TTLL5: variants seen among roughly 807,000 people sequenced by gnomAD.
TTLL5 encodes the protein tubulin polyglutamylase TTLL5.
A neutral mutation model predicts 168.4 loss-of-function variants in TTLL5; 132 were observed. The observed-to-expected ratio is 0.78, with a 90% confidence interval of 0.68 to 0.91. TTLL5 has a LOEUF of 0.91. Ranked by LOEUF, TTLL5 falls within the 40% of genes least tolerant of loss-of-function variation. The pLI, the probability that TTLL5 is intolerant of heterozygous loss-of-function variation, is 0.00. For synonymous variants in TTLL5, 546 were observed against 558.6 expected (o/e 0.98, Z 0.32); for missense variants, 1,545 against 1,581.5 (o/e 0.98, Z 0.39).
chr14:75,732,524 C>A, intron 13 of TTLL5, 105 bp downstream of exon 13: 1 of 969,270 alleles, frequency 1.0e-6, no homozygotes, highest in Non-Finnish European at 1.6e-6. Flanking sequence ...TGTTTTTTTC[C>A]TAGTTATTAG....
intron 31 of TTLL5, among the ~76,000 whole-genome samples, chr14:75,921,471 T>G (rs879785590): frequency 4.6e-5 from 7 of 152,264 alleles, no homozygotes; most frequent in Non-Finnish European, 8.8e-5. Context: ...GCACCATTTA[T>G]TAAAAAGGGA....
intron 28 of TTLL5, among the ~76,000 whole-genome samples, chr14:75,848,564 G>T (rs1379617538): frequency 6.6e-6 from 1 of 150,504 alleles, no homozygotes; most frequent in African/African-American, 2.5e-5. Context: ...GTGTCAGGGA[G>T]TTCTCCTTTG....
At chr14:75,784,259 A>G (rs1892239563) in intron 26 of TTLL5, among the ~76,000 whole-genome samples, 1 of 152,170 alleles carries the variant, frequency 6.6e-6, no homozygotes, top group Admixed American at 6.5e-5. Context: ...TCTATTCTGG[A>G]CATTTTTATA....
Position 75,766,301 on chromosome 14 carries a change from C to T in TTLL5, c.1948C>T (p.Leu650Phe), listed in dbSNP as rs761761380. ...TAATAAAGGTGGACACTGCTGCAAA[C>T]TTGAGACTCAGGAGCTAGAGCCTAA... ...WNNKGGHCCK[L>F]ETQELEPKFN... The change falls in exon 20 of 32, where the codon CTT becomes TTT. Residue 650 changes from leucine (L) to phenylalanine (F), a missense_variant. Coordinates refer to ENST00000298832, the MANE Select transcript of TTLL5 (RefSeq NM_015072.5). 6.2e-7 allele frequency: 1 copy of T among 1,614,042 alleles called. No individual in the cohort carries two copies. The highest frequency in any genetic ancestry group is 2.2e-5 in the East Asian group (1 of 44,868).
chr14:75,856,408 G>A (rs970628958), intron 28 of TTLL5, among the ~76,000 whole-genome samples: 3 of 152,090 alleles, frequency 2.0e-5, no homozygotes, highest in African/African-American at 7.2e-5. Flanking sequence ...AATGGAAATT[G>A]TGAAACTGAG....
At chr14:75,721,632 C>G (rs1261447310) in intron 12 of TTLL5, among the ~76,000 whole-genome samples, 1 of 152,174 alleles carries the variant, frequency 6.6e-6, no homozygotes, top group Admixed American at 6.5e-5. Flanking sequence ...GCAAGTTACT[C>G]TAATCCTGTT....
chr14:75,748,548 C>A (rs756702024), intron 17 of TTLL5, among the ~76,000 whole-genome samples: 1 of 152,024 alleles, frequency 6.6e-6, no homozygotes, highest in Non-Finnish European at 1.5e-5. Flanking sequence ...AATTACTGGG[C>A]CTTAAAATAT....
chr14:75,894,318 A>G (rs1392659294), intron 30 of TTLL5, among the ~76,000 whole-genome samples: 1 of 152,180 alleles, frequency 6.6e-6, no homozygotes, highest in Non-Finnish European at 1.5e-5. Flanking sequence ...TTGGGAGGCC[A>G]AGACAGGTGG....
chr14:75,771,912 T>C (rs1051421176), intron 21 of TTLL5, 58 bp downstream of exon 21: 29 of 21,056 alleles, frequency 1.4e-3, no homozygotes, highest in Admixed American at 0.01. Context: ...TCTTTCTGTA[T>C]TTTTTTTTTT....
chr14:75,877,378 G>A (rs2031551437), intron 29 of TTLL5, among the ~76,000 whole-genome samples: 1 of 152,196 alleles, frequency 6.6e-6, no homozygotes, highest in Admixed American at 6.5e-5. Context: ...CCAAGTTGCA[G>A]TCTGTGTTCT....
At chr14:75,681,053 T>TA (rs1315816028) in intron 3 of TTLL5, among the ~76,000 whole-genome samples, 1 of 152,172 alleles carries the variant, frequency 6.6e-6, no homozygotes, top group Non-Finnish European at 1.5e-5. Context: ...ACAAAGGAAA[T>TA]ACATTGTATT....
At chr14:75,746,181 A>G (rs1409529771) in intron 17 of TTLL5, among the ~76,000 whole-genome samples, 1 of 152,136 alleles carries the variant, frequency 6.6e-6, no homozygotes, top group Admixed American at 6.5e-5. Flanking sequence ...ACTCTTTTGT[A>G]TCTGGACTCT....
chr14:75,842,982 G>A (rs1288329648), intron 28 of TTLL5, among the ~76,000 whole-genome samples: 3 of 152,154 alleles, frequency 2.0e-5, no homozygotes, highest in Non-Finnish European at 4.4e-5. Context: ...AAGAAAGGTG[G>A]AGGCAAGTTT....
chr14:75,709,314 T>G, intron 9 of TTLL5: 1 of 688,344 alleles, frequency 1.5e-6, no homozygotes, highest in South Asian at 1.5e-5. Context: ...AGAGACTTAG[T>G]TTTTTTCACA....
At chr14:75,827,100 A>G (rs960866228) in intron 28 of TTLL5, among the ~76,000 whole-genome samples, 8 of 152,244 alleles carry the variant, frequency 5.3e-5, no homozygotes, top group African/African-American at 1.2e-4. Flanking sequence ...GCAAAGGAAT[A>G]AAAGTCCTCT....
chr14:75,801,613 C>G (rs1187440617), intron 27 of TTLL5, among the ~76,000 whole-genome samples: 1 of 152,130 alleles, frequency 6.6e-6, no homozygotes, highest in Non-Finnish European at 1.5e-5. Context: ...TCCCCCCACC[C>G]TCTGTATTTT....
At chr14:75,702,022 T>C (rs1299643676) in intron 7 of TTLL5, among the ~76,000 whole-genome samples, 1 of 152,244 alleles carries the variant, frequency 6.6e-6, no homozygotes, top group Non-Finnish European at 1.5e-5. Flanking sequence ...CTGTTTGCCA[T>C]ATGTGTAGAA....
At chr14:75,734,928 A>G (rs983473917) in intron 14 of TTLL5, among the ~76,000 whole-genome samples, 10 of 152,254 alleles carry the variant, frequency 6.6e-5, no homozygotes, top group Admixed American at 6.5e-4. Context: ...TCAAAAATCT[A>G]CATCTCTTTC....
chr14:75,928,709 G>A (rs1333848200), intron 31 of TTLL5, among the ~76,000 whole-genome samples: 1 of 152,080 alleles, frequency 6.6e-6, no homozygotes, highest in Non-Finnish European at 1.5e-5. Flanking sequence ...TGATCGCAGG[G>A]CACAAGGAAA....
Sources: gnomAD v4.1 joint callset for allele counts (sites outside exome capture counted in the v4.1 genomes callset) on GRCh38, gnomAD v4.1.1 for gene constraint, MANE v1.5 for transcripts, NCBI Gene and HGNC (gene_info 2026-07-23, HGNC 2026-07-21) for gene names.